QRSL1: variants seen among roughly 807,000 people sequenced by gnomAD.
QRSL1 encodes glutaminyl-tRNA amidotransferase subunit QRSL1, also known as glutamyl-tRNA(Gln) amidotransferase subunit A, mitochondrial.
QRSL1 carries 54 observed loss-of-function variants against 61.6 expected under a neutral mutation model. The observed-to-expected ratio is 0.88, with a 90% CI of 0.70 to 1.10. The LOEUF is 1.10. QRSL1 is among the 50% of genes least tolerant of loss of function. QRSL1 has a pLI of 0.00. For synonymous variants in QRSL1, 228 were observed against 225.7 expected (o/e 1.01, Z -0.09); for missense variants, 505 against 622.6 (o/e 0.81, Z 2.01).
intron 1 of QRSL1, 85 bp downstream of exon 1, chr6:106,629,790 C>T: frequency 6.6e-7 from 1 of 1,510,286 alleles, no homozygotes; most frequent in Non-Finnish European, 9.0e-7. Context: ...GGCCTTACCA[C>T]GCATCTTGGC....
At chr6:106,652,873 T>C in intron 7 of QRSL1, 1 of 997,084 alleles carries the variant, frequency 1.0e-6, no homozygotes, top group Non-Finnish European at 1.4e-6. Context: ...TTGTGGACCA[T>C]GCAGTCTTTA....
At chr6:106,662,185 C>T (rs933579568) in intron 9 of QRSL1, among the ~76,000 whole-genome samples, 5 of 152,064 alleles carry the variant, frequency 3.3e-5, no homozygotes, top group African/African-American at 7.3e-5. Flanking sequence ...TATACCTATC[C>T]GTAAAATACA....
chr6:106,645,844 T>G (rs1777099547), intron 4 of QRSL1, among the ~76,000 whole-genome samples: 1 of 152,270 alleles, frequency 6.6e-6, no homozygotes, highest in Non-Finnish European at 1.5e-5. Context: ...TAAAGCTTGC[T>G]TATTAGTTCT....
At chr6:106,657,466 T>C (rs1033329516) in intron 9 of QRSL1, among the ~76,000 whole-genome samples, 1 of 152,088 alleles carries the variant, frequency 6.6e-6, no homozygotes, top group Non-Finnish European at 1.5e-5. Context: ...AGGGCACAAG[T>C]TGATGAATTA....
At chr6:106,630,450 C>G (rs1776798688) in intron 1 of QRSL1, among the ~76,000 whole-genome samples, 1 of 152,214 alleles carries the variant, frequency 6.6e-6, no homozygotes, top group Non-Finnish European at 1.5e-5. Context: ...CAATAAATCA[C>G]TAAGCCCTCT....
chr6:106,641,886 T>C (rs1777025793), intron 3 of QRSL1, among the ~76,000 whole-genome samples: 1 of 152,208 alleles, frequency 6.6e-6, no homozygotes, highest in South Asian at 2.1e-4. Context: ...AGTCAGTGTT[T>C]TTAGATTATA....
At position 106,633,670 on chromosome 6, in the gene QRSL1, C is replaced by T. The variant is rs149095184; in HGVS notation, c.24+3965C>T. Among the ~76,000 whole-genome samples the T allele has an allele frequency of 3.4e-3, 514 of 152,276 alleles. 5 individuals are homozygous for T. The highest frequency in any genetic ancestry group is 0.012 in the African/African-American group (482 of 41,554). On this transcript the variant is annotated intron_variant, in intron 1 of 10. Coordinates refer to ENST00000369046, the MANE Select transcript of QRSL1 (RefSeq NM_018292.5). ...ACCTTTGTCTTTTGTGGCATGATCC[C>T]AGTGTTTCTAGGAGTGAGGCACCAG...
chr6:106,664,803 A>AT (rs1366190661), intron 10 of QRSL1, among the ~76,000 whole-genome samples: 1 of 152,146 alleles, frequency 6.6e-6, no homozygotes, highest in Non-Finnish European at 1.5e-5. Context: ...AAAAAGGTAC[A>AT]TTTTTCCTTT....
intron 10 of QRSL1, among the ~76,000 whole-genome samples, chr6:106,663,620 G>A (rs1164767624): frequency 6.6e-6 from 1 of 152,176 alleles, no homozygotes; most frequent in African/African-American, 2.4e-5. Context: ...GCACCAAGGG[G>A]AATGGTGTTA....
chr6:106,658,030 A>T (rs746346178), intron 9 of QRSL1, among the ~76,000 whole-genome samples: 4 of 152,024 alleles, frequency 2.6e-5, no homozygotes, highest in Non-Finnish European at 4.4e-5. Flanking sequence ...AATTGACATA[A>T]ATATTTACTT....
intron 2 of QRSL1, 129 bp from the exon 3 acceptor site, chr6:106,640,694 T>A (rs1283596766): frequency 9.8e-7 from 1 of 1,019,064 alleles, no homozygotes; most frequent in Non-Finnish European, 1.5e-6. Context: ...CTGTATTAAT[T>A]TCTGCCATAA....
chr6:106,629,782 C>T (rs551249260), intron 1 of QRSL1, 77 bp downstream of exon 1: 7 of 1,534,976 alleles, frequency 4.6e-6, no homozygotes, highest in Non-Finnish European at 6.2e-6. Flanking sequence ...AGTCCCTGGG[C>T]CTTACCACGC....
rs749134019 is a variant in QRSL1, at chr6:106,663,108, A to T, written c.1289A>T (p.Tyr430Phe). The T allele has an allele frequency of 1.2e-5, 20 of 1,614,102 alleles. No individual in the cohort carries two copies. The highest frequency in any genetic ancestry group is 1.6e-5 in the Non-Finnish European group (19 of 1,180,022). ...TPTTLSEAVP[Y>F]LEFIKEDNRT... ...ACCACCTTGAGTGAGGCAGTACCAT[A>T]CTTGGAGTTCATCAAAGAGGACAAC... Residue 430 changes from tyrosine to phenylalanine, a missense_variant, in exon 10 of 11, where the codon TAC becomes TTC. Coordinates refer to ENST00000369046, the MANE Select transcript of QRSL1 (RefSeq NM_018292.5).
intron 3 of QRSL1, among the ~76,000 whole-genome samples, chr6:106,641,664 AT>A (rs1194927359): frequency 6.6e-6 from 1 of 152,212 alleles, no homozygotes; most frequent in African/African-American, 2.4e-5. Context: ...GTTGTTAATT[AT>A]TTTGGAATAT....
chr6:106,632,284 A>G (rs1470711204), intron 1 of QRSL1, among the ~76,000 whole-genome samples: 2 of 152,216 alleles, frequency 1.3e-5, no homozygotes, highest in Non-Finnish European at 2.9e-5. Flanking sequence ...GAGAGCAGAT[A>G]TGTCTTTGCT....
chr6:106,643,862 CTCT>C (rs1358162082), intron 4 of QRSL1, among the ~76,000 whole-genome samples: 3 of 149,972 alleles, frequency 2.0e-5, no homozygotes, highest in Non-Finnish European at 1.5e-5. Context: ...TTTCTTTTTT[CTCT>C]TCTTTTCATT....
At chr6:106,654,123 G>A (rs11968502) in intron 7 of QRSL1, among the ~76,000 whole-genome samples, 56,321 of 151,954 alleles carry the variant, frequency 0.37, 10,956 homozygotes, top group Non-Finnish European at 0.42. Flanking sequence ...AGGCCGAGGC[G>A]GGCAGATCAC....
chr6:106,654,363 A>T (rs1777233617), intron 7 of QRSL1, among the ~76,000 whole-genome samples: 1 of 152,104 alleles, frequency 6.6e-6, no homozygotes, highest in Non-Finnish European at 1.5e-5. Flanking sequence ...AAAAAAAAAA[A>T]GAAAATCATC....
chr6:106,637,677 C>T (rs1475657328), intron 1 of QRSL1, among the ~76,000 whole-genome samples: 2 of 152,150 alleles, frequency 1.3e-5, no homozygotes, highest in Non-Finnish European at 2.9e-5. Flanking sequence ...CAGGGAAGAC[C>T]TAGTTTCCAT....
Sources: gnomAD v4.1 joint callset for allele counts (sites outside exome capture counted in the v4.1 genomes callset) on GRCh38, gnomAD v4.1.1 for gene constraint, MANE v1.5 for transcripts, NCBI Gene and HGNC (gene_info 2026-07-23, HGNC 2026-07-21) for gene names.